PTPRT: variants seen among roughly 807,000 people sequenced by gnomAD.
The protein encoded by PTPRT is protein tyrosine phosphatase receptor type T, also known as receptor-type tyrosine-protein phosphatase T.
Under a neutral mutation model 176.8 loss-of-function variants are expected in PTPRT, and 56 were observed. That is an observed-to-expected ratio of 0.32 (90% CI 0.26 to 0.40). The LOEUF (loss-of-function observed/expected upper bound fraction) is 0.40. Among genes scored for constraint, PTPRT ranks in the 10% least tolerant of loss-of-function variants. PTPRT has a pLI of 1.00. For missense variants in PTPRT, 1,540 were observed against 1,908.2 expected (o/e 0.81, Z 3.60); for synonymous variants, 783 against 739.0 (o/e 1.06, Z -0.96).
Position 42,080,103 on chromosome 20 carries a change from G to A in PTPRT, c.*776C>T, listed in dbSNP as rs1303674250. Reference sequence around the variant, plus strand: ...TCAGCCCAAGCCCTGCCCCAGGGAGGTGGTCCCTTTTTACAAAGACAAGGA... The same window carrying A: ...TCAGCCCAAGCCCTGCCCCAGGGAGATGGTCCCTTTTTACAAAGACAAGGA... On this transcript the variant is annotated 3_prime_UTR_variant, in exon 31 of 31. Coordinates refer to ENST00000373187, the MANE Select transcript of PTPRT (RefSeq NM_007050.6). 1.7e-5 allele frequency: 4 copies of A among 232,870 alleles called. No homozygotes were observed. Among genetic ancestry groups the A allele is most frequent in the Admixed American group, 1.1e-4 (2 of 17,774 alleles). 14.4% of individuals were successfully genotyped at this position (232,870 alleles called of 1,614,324 possible).
At chr20:42,174,099 C>T (rs1990185169) in intron 16 of PTPRT, among the ~76,000 whole-genome samples, 1 of 152,042 alleles carries the variant, frequency 6.6e-6, no homozygotes, top group African/African-American at 2.4e-5. Context: ...TGTAAGGTGG[C>T]TTAGTGTTAG....
chr20:42,184,518 C>CCTCCTTCTTCTTCTTCTTCTTCTT (rs1555797922), intron 16 of PTPRT, among the ~76,000 whole-genome samples: 14 of 54,396 alleles, frequency 2.6e-4, no homozygotes, highest in Admixed American at 7.6e-4. Flanking sequence ...TCCTCCTCCT[C>CCTCCTTCTTCTTCTTCTTCTTCTT]CTTCTTCTTC....
intron 1 of PTPRT, among the ~76,000 whole-genome samples, chr20:43,044,942 G>T (rs1030116289): frequency 2.0e-5 from 3 of 152,206 alleles, no homozygotes; most frequent in Non-Finnish European, 4.4e-5. Flanking sequence ...TCAACGCTAA[G>T]GTTATTTGGC....
intron 1 of PTPRT, among the ~76,000 whole-genome samples, chr20:42,998,269 C>T (rs542881182): frequency 1.3e-5 from 2 of 152,252 alleles, no homozygotes; most frequent in African/African-American, 2.4e-5. Flanking sequence ...CCAGCACCTA[C>T]GTATTCAATT....
At chr20:42,976,324 T>G (rs959369201) in intron 1 of PTPRT, among the ~76,000 whole-genome samples, 2 of 152,150 alleles carry the variant, frequency 1.3e-5, no homozygotes, top group African/African-American at 4.8e-5. Flanking sequence ...GGCAACCAAA[T>G]TCCCACCTTA....
chr20:42,877,955 T>C (rs1271115216), intron 2 of PTPRT, among the ~76,000 whole-genome samples: 1 of 152,240 alleles, frequency 6.6e-6, no homozygotes, highest in Non-Finnish European at 1.5e-5. Context: ...TGCAAAGCAT[T>C]TTCCCAACCA....
intron 1 of PTPRT, among the ~76,000 whole-genome samples, chr20:43,178,761 T>G (rs1049436155): frequency 6.6e-6 from 1 of 152,052 alleles, no homozygotes; most frequent in African/African-American, 2.4e-5. Context: ...CACCCAACCT[T>G]GCACTGCCAG....
At chr20:42,303,806 G>A (rs1044539341) in intron 12 of PTPRT, among the ~76,000 whole-genome samples, 1 of 152,118 alleles carries the variant, frequency 6.6e-6, no homozygotes. Context: ...ATTAGAGAGA[G>A]CTTCAGAGTG....
chr20:42,568,634 T>A (rs1448748767), intron 7 of PTPRT, among the ~76,000 whole-genome samples: 4 of 152,142 alleles, frequency 2.6e-5, no homozygotes, highest in Non-Finnish European at 4.4e-5. Context: ...CAAACTTCCA[T>A]AAACTGAAGT....
intron 7 of PTPRT, among the ~76,000 whole-genome samples, chr20:42,583,879 C>G (rs1388282112): frequency 6.6e-6 from 1 of 152,166 alleles, no homozygotes; most frequent in African/African-American, 2.4e-5. Context: ...CTCTCTTACT[C>G]CATGTGGTAG....
At chr20:42,779,304 T>G (rs1295812615) in intron 4 of PTPRT, among the ~76,000 whole-genome samples, 2 of 152,142 alleles carry the variant, frequency 1.3e-5, no homozygotes, top group Admixed American at 1.3e-4. Context: ...AGCAGCAAAC[T>G]GCACCATAGC....
At chr20:43,022,187 T>C (rs1985711614) in intron 1 of PTPRT, among the ~76,000 whole-genome samples, 1 of 152,202 alleles carries the variant, frequency 6.6e-6, no homozygotes, top group South Asian at 2.1e-4. Flanking sequence ...GCATATTGGG[T>C]AAGCAACTAG....
intron 29 of PTPRT, among the ~76,000 whole-genome samples, chr20:42,083,667 CA>C (rs1983584638): frequency 6.6e-6 from 1 of 152,142 alleles, no homozygotes; most frequent in African/African-American, 2.4e-5. Flanking sequence ...ATTCTGAGGT[CA>C]GTCAGATGTT....
chr20:43,132,605 A>G (rs1196855128), intron 1 of PTPRT, among the ~76,000 whole-genome samples: 2 of 152,232 alleles, frequency 1.3e-5, no homozygotes, highest in Admixed American at 1.3e-4. Context: ...ACACAGCATG[A>G]AGAATCAGAA....
intron 1 of PTPRT, among the ~76,000 whole-genome samples, chr20:42,934,808 T>A (rs528058347): frequency 3.2e-4 from 49 of 152,118 alleles, no homozygotes; most frequent in African/African-American, 1.2e-3. Context: ...GTGGCTCACA[T>A]CTGTAATCCC....
chr20:42,688,152 C>T (rs2075730784), intron 6 of PTPRT: 2 of 152,240 alleles, frequency 1.3e-5, no homozygotes, highest in South Asian at 2.1e-4. Flanking sequence ...CAGATGGAGA[C>T]TGGGATGCTG....
At chr20:42,451,498 T>C (rs2070826199) in intron 8 of PTPRT, among the ~76,000 whole-genome samples, 1 of 150,212 alleles carries the variant, frequency 6.7e-6, no homozygotes, top group African/African-American at 2.5e-5. Context: ...ATGGCAAGAG[T>C]ATAGAGCAGA....
At chr20:43,188,437 T>C (rs6016973) in intron 1 of PTPRT, among the ~76,000 whole-genome samples, 139,977 of 152,200 alleles carry the variant, frequency 0.92, 64,580 homozygotes, top group Non-Finnish European at 0.95. Flanking sequence ...CGGAATGTCC[T>C]TCCAGCGGCC....
chr20:42,114,079 T>C (rs574225442), intron 22 of PTPRT, among the ~76,000 whole-genome samples: 2 of 152,240 alleles, frequency 1.3e-5, no homozygotes, highest in African/African-American at 2.4e-5. Context: ...TCTCAAAGCA[T>C]GTAAGTCCCC....
Sources: gnomAD v4.1 joint callset for allele counts (sites outside exome capture counted in the v4.1 genomes callset) on GRCh38, gnomAD v4.1.1 for gene constraint, MANE v1.5 for transcripts, NCBI Gene and HGNC (gene_info 2026-07-23, HGNC 2026-07-21) for gene names.